NCALD: variants seen among roughly 807,000 people sequenced by gnomAD.
NCALD encodes the protein neurocalcin delta, also known as neurocalcin-delta.
NCALD carries 10 observed loss-of-function variants against 18.6 expected under a neutral mutation model. The observed-to-expected ratio is 0.54, with a 90% CI of 0.33 to 0.91. The LOEUF is 0.91. Ranked by LOEUF, NCALD falls within the 40% of genes least tolerant of loss-of-function variation. The pLI, the probability that NCALD is intolerant of heterozygous loss-of-function variation, is 0.03. For synonymous variants in NCALD, 88 were observed against 87.4 expected (o/e 1.01, Z -0.04); for missense variants, 184 against 247.6 (o/e 0.74, Z 1.72).
chr8:101,964,185 T>C (rs1819938208), intron 2 of NCALD, among the ~76,000 whole-genome samples: 3 of 152,144 alleles, frequency 2.0e-5, no homozygotes, highest in African/African-American at 7.2e-5. Context: ...CACCTATGAA[T>C]AGAAGGACAG....
chr8:101,949,531 A>T (rs1819307675), intron 2 of NCALD, among the ~76,000 whole-genome samples: 1 of 152,092 alleles, frequency 6.6e-6, no homozygotes, highest in Non-Finnish European at 1.5e-5. Context: ...AATAAATGTT[A>T]ATAACTCGGC....
intron 1 of NCALD, among the ~76,000 whole-genome samples, chr8:101,774,601 C>T (rs1811715880): frequency 6.6e-6 from 1 of 152,184 alleles, no homozygotes; most frequent in African/African-American, 2.4e-5. Context: ...ATTTAGGTTA[C>T]AAGGCACAAC....
chr8:101,790,072 T>C (rs547114770), intron 1 of NCALD, among the ~76,000 whole-genome samples: 19 of 152,328 alleles, frequency 1.2e-4, no homozygotes, highest in African/African-American at 4.3e-4. Flanking sequence ...CTATTGTTTT[T>C]TTCTTTAGGT....
chr8:102,120,087 C>T (rs920922865), intron 1 of NCALD, among the ~76,000 whole-genome samples: 1 of 152,198 alleles, frequency 6.6e-6, no homozygotes, highest in Non-Finnish European at 1.5e-5. Flanking sequence ...TTGTGGATTT[C>T]AGATGAGAAC....
At chr8:101,824,479 A>ATT (rs199579036) in intron 4 of NCALD, among the ~76,000 whole-genome samples, 1 of 147,378 alleles carries the variant, frequency 6.8e-6, no homozygotes, top group Non-Finnish European at 1.5e-5. Context: ...ATTTTATTTT[A>ATT]TTTTTTTTTT....
upstream of NCALD, among the ~76,000 whole-genome samples, chr8:101,795,163 A>G (rs1332559239): frequency 6.6e-6 from 1 of 152,192 alleles, no homozygotes; most frequent in East Asian, 1.9e-4. Context: ...ATGATGAAGT[A>G]GCATGTGTTC....
intron 2 of NCALD, among the ~76,000 whole-genome samples, chr8:101,932,237 C>T (rs140400042): frequency 6.6e-6 from 1 of 152,318 alleles, no homozygotes; most frequent in Non-Finnish European, 1.5e-5. Flanking sequence ...CAGATGCAGC[C>T]AGGCAGCAGA....
intron 2 of NCALD, among the ~76,000 whole-genome samples, chr8:101,970,862 G>A (rs1480092260): frequency 6.6e-6 from 1 of 152,134 alleles, no homozygotes; most frequent in African/African-American, 2.4e-5. Context: ...TTTGATTATT[G>A]TTGTGGCAAT....
At chr8:101,910,081 T>A (rs1270593980) in intron 3 of NCALD, among the ~76,000 whole-genome samples, 1 of 152,110 alleles carries the variant, frequency 6.6e-6, no homozygotes, top group Non-Finnish European at 1.5e-5. Context: ...GGGGCAATCC[T>A]ACACTGAGAC....
At position 101,951,098 on chromosome 8, in the gene NCALD, C is replaced by A. The variant is rs188014815; in HGVS notation, c.-156-35240G>T. Among the ~76,000 whole-genome samples, 8 of 152,316 alleles carry A rather than the reference C, an allele frequency of 5.3e-5. No homozygotes were observed. The East Asian group carries it at 1.2e-3, about 22-fold the overall frequency. On this transcript the variant is annotated intron_variant, in intron 2 of 6. Coordinates refer to the NCALD transcript ENST00000311028. ...CAGCCAGCCCTCCTTCTGGGAGAATCATTTCCAATGTTGGTCTTGGTTTTG... is the reference window on the plus strand; with the variant it reads ...CAGCCAGCCCTCCTTCTGGGAGAATAATTTCCAATGTTGGTCTTGGTTTTG...
At chr8:101,804,585 T>C (rs1039367098) in intron 4 of NCALD, among the ~76,000 whole-genome samples, 1 of 130,740 alleles carries the variant, frequency 7.6e-6, no homozygotes, top group African/African-American at 3.0e-5. Flanking sequence ...TAATTAATTA[T>C]ATAATATATA....
In NCALD at chr8:102,035,289, T is replaced by A. The variant is rs181096764; in HGVS notation, c.-209-15000A>T. Among the ~76,000 whole-genome samples the A allele has an allele frequency of 3.5e-3, 539 of 152,298 alleles. 5 individuals are homozygous for A. The highest frequency in any genetic ancestry group is 0.02 in the South Asian group (98 of 4,816). ...TGTAATAACAAAGCTCTTCCTTATA[T>A]TAACCCAAAATGGTGACCTTTTACC... On this transcript the variant is annotated intron_variant, in intron 1 of 6. Transcript: ENST00000311028.
intron 2 of NCALD, among the ~76,000 whole-genome samples, chr8:102,009,205 A>G (rs776964066): frequency 1.3e-5 from 2 of 152,194 alleles, no homozygotes; most frequent in Admixed American, 6.5e-5. Flanking sequence ...CTACCTACCA[A>G]CTCTAAGGCA....
intron 1 of NCALD, among the ~76,000 whole-genome samples, chr8:102,121,438 T>G (rs1049641884): frequency 3.9e-5 from 6 of 152,128 alleles, no homozygotes; most frequent in Non-Finnish European, 1.5e-5. Context: ...ACATACTGAA[T>G]AGTCCAAAAA....
In NCALD at chr8:101,993,856, C is replaced by T. The variant is rs558432118; in HGVS notation, c.-157+26381G>A. Among the ~76,000 whole-genome samples the T allele has an allele frequency of 2.6e-5, 4 of 152,332 alleles. No individual in the cohort carries two copies. The East Asian group carries it at 7.7e-4, about 29-fold the overall frequency. ...CTAAACTCCTTGGAGTCCTCTGAGC[C>T]TCAGTTTCTTCATCTATACAACTGA... On this transcript the variant is annotated intron_variant, in intron 2 of 6. Transcript: ENST00000311028.
chr8:101,882,044 A>G (rs1437087677), intron 4 of NCALD, among the ~76,000 whole-genome samples: 1 of 152,172 alleles, frequency 6.6e-6, no homozygotes, highest in African/African-American at 2.4e-5. Context: ...GATGGTTGTC[A>G]TGACTGGGGA....
chr8:102,077,003 T>G (rs1433293170), intron 1 of NCALD, among the ~76,000 whole-genome samples: 3 of 152,184 alleles, frequency 2.0e-5, no homozygotes, highest in Non-Finnish European at 4.4e-5. Context: ...CTATATCATC[T>G]TCCCCATTCA....
chr8:101,996,348 T>G (rs1383677069), intron 2 of NCALD, among the ~76,000 whole-genome samples: 5 of 152,234 alleles, frequency 3.3e-5, no homozygotes, highest in African/African-American at 1.2e-4. Context: ...GTCTTGTTGC[T>G]GGGCACTTCT....
chr8:101,722,546 C>T (rs1394119027), intron 1 of NCALD, among the ~76,000 whole-genome samples: 1 of 152,140 alleles, frequency 6.6e-6, no homozygotes, highest in East Asian at 1.9e-4. Flanking sequence ...CTTGCCTGGC[C>T]TTGGGGAAAA....
Sources: gnomAD v4.1 joint callset for allele counts (sites outside exome capture counted in the v4.1 genomes callset) on GRCh38, gnomAD v4.1.1 for gene constraint, MANE v1.5 for transcripts, NCBI Gene and HGNC (gene_info 2026-07-23, HGNC 2026-07-21) for gene names.